ABHD2: variants seen among roughly 807,000 people sequenced by gnomAD.
ABHD2 encodes monoacylglycerol lipase ABHD2.
ABHD2 carries 20 observed loss-of-function variants against 48.1 expected under a neutral mutation model. The ratio of observed to expected loss-of-function variants is 0.42; its 90% CI spans 0.29 to 0.60. The LOEUF (loss-of-function observed/expected upper bound fraction) is 0.60. ABHD2 is among the 20% of genes least tolerant of loss of function. ABHD2 has a pLI of 0.24. For synonymous variants in ABHD2, 209 were observed against 214.2 expected, an observed-to-expected ratio of 0.98 and a Z score of 0.21; for missense variants, 405 against 550.9, an observed-to-expected ratio of 0.74 and a Z score of 2.65.
Position 89,176,580 on chromosome 15 carries a change from G to GGCGT in ABHD2, c.722+585_722+586insGCGT, listed in dbSNP as rs2051016984. Among the ~76,000 whole-genome samples, 1 of 152,146 alleles carries GGCGT rather than the reference G, an allele frequency of 6.6e-6. No homozygotes were observed. The highest frequency in any genetic ancestry group is 1.5e-5 in the Non-Finnish European group (1 of 68,022). ...CTTGCCAGTAGATGCCCCACAGGATGAGTCCCAGGAGGGCGTGGTCATCTG... is the reference window on the plus strand; with the variant it reads ...CTTGCCAGTAGATGCCCCACAGGATGGCGTAGTCCCAGGAGGGCGTGGTCATCTG... On this transcript the variant is annotated intron_variant, in intron 6 of 10. Transcript: ENST00000352732. This position sits in a 1 kb window ranked among gnomAD's most constrained non-coding sequence, Gnocchi z 4.5.
chr15:89,057,407 A>G, the ABHD2 span, among the ~76,000 whole-genome samples: 1 of 152,084 alleles, frequency 6.6e-6, no homozygotes, highest in Non-Finnish European at 1.5e-5. Flanking sequence ...TCTGAAGATG[A>G]GGTAGGGCAG....
Position 89,151,031 on chromosome 15 carries a change from G to A in ABHD2, c.195-646G>A, listed in dbSNP as rs1203137537. On this transcript the variant is annotated intron_variant, in intron 3 of 10. Coordinates refer to ENST00000352732, the MANE Select transcript of ABHD2 (RefSeq NM_152924.5). The surrounding 1 kb of genome is among the most constrained non-coding windows in gnomAD (Gnocchi z 4.7). Reference sequence around the variant, plus strand: ...TTTACAATGCACCGTTGTTAGCGAGGCTTCATGCCTTGCGTAGGCTAACAA... The same window carrying A: ...TTTACAATGCACCGTTGTTAGCGAGACTTCATGCCTTGCGTAGGCTAACAA... Among the ~76,000 whole-genome samples the A allele has an allele frequency of 1.3e-5, 2 of 152,240 alleles. No individual in the cohort carries two copies. The highest frequency in any genetic ancestry group is 4.1e-4 in the South Asian group (2 of 4,836).
chr15:89,042,280 T>C, the ABHD2 span, among the ~76,000 whole-genome samples: 24 of 152,188 alleles, frequency 1.6e-4, no homozygotes, highest in Admixed American at 9.8e-4. Flanking sequence ...AGTGACACTA[T>C]TGAGGATTTC....
intron 1 of ABHD2, among the ~76,000 whole-genome samples, chr15:89,095,063 CAAAAAA>C (rs72090062): frequency 1.9e-5 from 1 of 53,786 alleles, no homozygotes; most frequent in African/African-American, 6.0e-5. Context: ...GACTGTGTCT[CAAAAAA>C]AAAAAAAAAA....
chr15:89,104,640 G>A lies in ABHD2; in HGVS notation c.-106-9085G>A, dbSNP rs115701071. 7.9e-3 allele frequency among the ~76,000 whole-genome samples: 1,202 copies of A among 152,286 alleles called. 12 individuals are homozygous for A. Among genetic ancestry groups the A allele is most frequent in the African/African-American group, 0.027 (1,122 of 41,564 alleles). On this transcript the variant is annotated intron_variant, in intron 1 of 10. Coordinates refer to ENST00000352732, the MANE Select transcript of ABHD2 (RefSeq NM_152924.5). The surrounding 1 kb of genome is among the most constrained non-coding windows in gnomAD (Gnocchi z 4.4). ...TGAGAGTAGCTGTAAGTCCTTTTCTGTTGCAGGTCTGGGTGAAACTTTCTT... is the reference window on the plus strand; with the variant it reads ...TGAGAGTAGCTGTAAGTCCTTTTCTATTGCAGGTCTGGGTGAAACTTTCTT...
rs191048094 is a variant in ABHD2 at position 89,167,164 on chromosome 15, T to C, written c.539-8648T>C. ...TTTTTAAGGAACTTCTATTTTGTTTTTACTGCTTAATATCTTACAATCTTC... is the reference window on the plus strand; with the variant it reads ...TTTTTAAGGAACTTCTATTTTGTTTCTACTGCTTAATATCTTACAATCTTC... On this transcript the variant is annotated intron_variant, in intron 5 of 10. Coordinates refer to ENST00000352732, the MANE Select transcript of ABHD2 (RefSeq NM_152924.5). The surrounding 1 kb of genome is among the most constrained non-coding windows in gnomAD (Gnocchi z 5.5). Among the ~76,000 whole-genome samples the C allele has an allele frequency of 6.6e-6, 1 of 152,312 alleles. No homozygotes were observed. Among genetic ancestry groups the C allele is most frequent in the East Asian group, 1.9e-4 (1 of 5,180 alleles).
chr15:89,092,226 C>T lies in ABHD2; in HGVS notation c.-107+3663C>T, dbSNP rs921359662. Among the ~76,000 whole-genome samples, 24 of 152,128 alleles carry T rather than the reference C, an allele frequency of 1.6e-4. No individual in the cohort carries two copies. Among genetic ancestry groups the T allele is most frequent in the African/African-American group, 2.9e-4 (12 of 41,432 alleles). ...TTTGGGTGAGGGGCTTGTTACACAC[C>T]GACTCATTGTCTGATCTTTCACAAT... On this transcript the variant is annotated intron_variant, in intron 1 of 10. Coordinates refer to ENST00000352732, the MANE Select transcript of ABHD2 (RefSeq NM_152924.5). This position sits in a 1 kb window ranked among gnomAD's most constrained non-coding sequence, Gnocchi z 4.4.
chr15:89,135,570 C>A, intron 3 of ABHD2: 1 of 1,502,130 alleles, frequency 6.7e-7, no homozygotes, highest in Non-Finnish European at 9.1e-7. Flanking sequence ...CATCTTCCTC[C>A]TCCTCATTCT....
At chr15:89,123,034 C>A (rs1417139207) in intron 3 of ABHD2, among the ~76,000 whole-genome samples, 1 of 152,182 alleles carries the variant, frequency 6.6e-6, no homozygotes, top group African/African-American at 2.4e-5. Flanking sequence ...AAGGTAATCG[C>A]TTTCTTCTGC....
At chr15:89,110,195 G>T (rs2049851219) in intron 1 of ABHD2, among the ~76,000 whole-genome samples, 1 of 152,036 alleles carries the variant, frequency 6.6e-6, no homozygotes, top group African/African-American at 2.4e-5. Context: ...CTCAGCCTGG[G>T]ATTACAGGCA....
rs1057441184 is a variant in ABHD2 at position 89,200,848 on chromosome 15, G to A, written c.*5425G>A. 21 of 313,752 alleles carry A rather than the reference G, an allele frequency of 6.7e-5. No individual in the cohort carries two copies. The highest frequency in any genetic ancestry group is 1.0e-4 in the Non-Finnish European group (17 of 166,130). 19.4% of individuals were successfully genotyped at this position (313,752 alleles called of 1,614,324 possible). ...CTGTAATCCCAGCACTTTGGAGGCC[G>A]AGGCGGGTAGATCACCTGAGGTTAG... On this transcript the variant is annotated 3_prime_UTR_variant, in exon 11 of 11. Coordinates refer to ENST00000352732, the MANE Select transcript of ABHD2 (RefSeq NM_152924.5).
chr15:89,053,621 C>G, the ABHD2 span, among the ~76,000 whole-genome samples: 1 of 152,272 alleles, frequency 6.6e-6, no homozygotes, highest in Non-Finnish European at 1.5e-5. Flanking sequence ...AGGCACTAAG[C>G]AGAGGCCATG....
chr15:89,160,328 G>T (rs1303288669), intron 5 of ABHD2, among the ~76,000 whole-genome samples: 1 of 152,140 alleles, frequency 6.6e-6, no homozygotes, highest in Admixed American at 6.5e-5. Flanking sequence ...TTGTTGATGT[G>T]TGGGCTTTCT....
the ABHD2 span, among the ~76,000 whole-genome samples, chr15:89,054,019 A>G: frequency 1.3e-5 from 2 of 152,126 alleles, no homozygotes; most frequent in Non-Finnish European, 1.5e-5. Flanking sequence ...AAACATAGAC[A>G]AGCCAAAACA....
chr15:89,158,716 T>G (rs2050714100), intron 5 of ABHD2, among the ~76,000 whole-genome samples: 1 of 152,138 alleles, frequency 6.6e-6, no homozygotes, highest in Non-Finnish European at 1.5e-5. Context: ...TTGTTTTGTT[T>G]TGTTTTGTTT....
chr15:89,118,090 T>C (rs1488639810), intron 3 of ABHD2, among the ~76,000 whole-genome samples: 1 of 152,218 alleles, frequency 6.6e-6, no homozygotes, highest in African/African-American at 2.4e-5. Flanking sequence ...ATGCAGTGTT[T>C]GCAGTTAAAA....
chr15:89,127,450 A>AT (rs112991608), intron 3 of ABHD2, among the ~76,000 whole-genome samples: 6,516 of 151,902 alleles, frequency 0.043, 460 homozygotes, highest in African/African-American at 0.14. Context: ...CCTTCCACTG[A>AT]GTACTAATGC....
At position 89,096,448 on chromosome 15, in the gene ABHD2, A is replaced by AG. The variant is rs1476001562; in HGVS notation, c.-107+7889dup. Among the ~76,000 whole-genome samples, 3 of 152,236 alleles carry AG rather than the reference A, an allele frequency of 2.0e-5. No homozygotes were observed. In the South Asian group the frequency reaches 6.2e-4, roughly 32 times the overall value. ...GAATGGAACACAAAGTAATGTAACC[A>AG]GGGGCATCTGGCAGGACTAGTTTTT... On this transcript the variant is annotated intron_variant, in intron 1 of 10. Coordinates refer to ENST00000352732, the MANE Select transcript of ABHD2 (RefSeq NM_152924.5).
rs2150965307 is a variant in ABHD2, at chr15:89,201,870, G to C, written c.*6447G>C. ...GCGGGGGACGATGGCGAGAGGGGAG[G>C]GGGAGCGAGTTCGCATCTCTCCTTT... On this transcript the variant is annotated 3_prime_UTR_variant, in exon 11 of 11. Coordinates refer to ENST00000352732, the MANE Select transcript of ABHD2 (RefSeq NM_152924.5). 12 of 749,264 alleles carry C rather than the reference G, an allele frequency of 1.6e-5. No homozygotes were observed. In the South Asian group the frequency reaches 1.8e-4, roughly 11 times the overall value. 46.4% of individuals were successfully genotyped at this position (749,264 alleles called of 1,614,324 possible).
Sources: allele counts gnomAD v4.1 joint callset (sites outside exome capture counted in the v4.1 genomes callset), GRCh38; gene constraint gnomAD v4.1.1; non-coding constraint Gnocchi (gnomAD v3.1); transcripts MANE v1.5; gene names NCBI Gene and HGNC (gene_info 2026-07-23, HGNC 2026-07-21).